The following EML6 variants were observed in gnomAD, a reference collection of about 807,000 sequenced individuals.
The protein encoded by EML6 is EMAP like 6.
Under a neutral mutation model 240.1 loss-of-function variants are expected in EML6, and 154 were observed. The observed-to-expected ratio is 0.64, with a 90% CI of 0.56 to 0.73. The LOEUF (loss-of-function observed/expected upper bound fraction) is 0.73, where lower values mean the gene tolerates loss of function less well. Ranked by LOEUF, EML6 falls within the 30% of genes least tolerant of loss-of-function variation. EML6 has a pLI of 0.00. For synonymous variants in EML6, 1,148 were observed against 899.0 expected, an observed-to-expected ratio of 1.28 and a Z score of -4.95; for missense variants, 2,964 against 2,474.6, an observed-to-expected ratio of 1.20 and a Z score of -4.20.
At chr2:54,920,658 T>A (rs4580418) in intron 26 of EML6, among the ~76,000 whole-genome samples, 105,019 of 152,040 alleles carry the variant, frequency 0.69, 37,157 homozygotes, top group East Asian at 0.87. Context: ...TTTTAAACTC[T>A]TCTTAGAAGG....
Position 54,916,827 on chromosome 2 carries a change from A to G in EML6, c.3567A>G (p.Ala1189=). The G allele has an allele frequency of 1.3e-6, 2 of 1,550,706 alleles. No individual in the cohort carries two copies. The highest frequency in any genetic ancestry group is 1.7e-6 in the Non-Finnish European group (2 of 1,146,140). ...CCACCTGTGAGGGAATCTGGCCAGC[A>G]CATAGCGATATAACTGACGTAAATG... ...LGPTCEGIWP[A]HSDITDVNAA... The change falls in exon 26 of 42, where the codon GCA becomes GCG. Residue 1189 remains alanine (A), a synonymous_variant. Coordinates refer to ENST00000356458, the MANE Select transcript of EML6 (RefSeq NM_001039753.4).
chr2:54,909,228 T>C (rs759385533), intron 24 of EML6, among the ~76,000 whole-genome samples: 1 of 152,230 alleles, frequency 6.6e-6, no homozygotes, highest in Non-Finnish European at 1.5e-5. Context: ...GCAATCACTC[T>C]TGAGTGTCCT....
intron 38 of EML6, among the ~76,000 whole-genome samples, chr2:54,965,360 A>C (rs1316258760): frequency 6.6e-6 from 1 of 152,218 alleles, no homozygotes; most frequent in African/African-American, 2.4e-5. Flanking sequence ...ACCGGGCACT[A>C]TGCTAGACTT....
rs549939729 is a variant in EML6 at position 54,948,200 on chromosome 2, T to C, written c.4005-682T>C. The stretch of plus-strand genomic sequence containing the variant: ...GCTTACACATTATAAAATCTCTTCA[T>C]TAAATTTGGAGGCCCCAGACCCCAA... On this transcript the variant is annotated intron_variant, in intron 28 of 41. Transcript: ENST00000356458. Among the ~76,000 whole-genome samples the C allele has an allele frequency of 3.3e-5, 5 of 152,268 alleles. No homozygotes were observed. In the South Asian group the frequency reaches 1.0e-3, roughly 32 times the overall value.
chr2:54,882,294 A>G (rs1671858153), intron 17 of EML6: 1 of 129,336 alleles, frequency 7.7e-6, no homozygotes, highest in South Asian at 2.3e-4. Flanking sequence ...TTTTTTCCCT[A>G]AAGATCATTC....
chr2:54,937,635 G>C (rs1288303012), intron 28 of EML6, among the ~76,000 whole-genome samples: 1 of 148,760 alleles, frequency 6.7e-6, no homozygotes, highest in East Asian at 2.0e-4. Context: ...CTCCAACTTA[G>C]TGTAGTTTAC....
chr2:54,947,621 C>A (rs1675755658), intron 28 of EML6, among the ~76,000 whole-genome samples: 1 of 152,106 alleles, frequency 6.6e-6, no homozygotes. Flanking sequence ...GTACATAACT[C>A]CCCACGACAT....
chr2:54,899,617 G>T, intron 21 of EML6, 24 bp from the exon 22 acceptor site: 2 of 1,550,502 alleles, frequency 1.3e-6, no homozygotes, highest in Non-Finnish European at 1.7e-6. Flanking sequence ...TAGAGTTTAT[G>T]TTGCCCCTTT....
chr2:54,898,991 T>C (rs890703864), intron 21 of EML6, among the ~76,000 whole-genome samples: 1 of 152,230 alleles, frequency 6.6e-6, no homozygotes, highest in African/African-American at 2.4e-5. Context: ...GGTCCAGTGC[T>C]TATTAAGCAC....
rs932656939 is a variant in EML6, at chr2:54,911,685, C to T, written c.3498+643C>T. 2.6e-5 allele frequency among the ~76,000 whole-genome samples: 4 copies of T among 152,204 alleles called. No individual in the cohort carries two copies. The South Asian group carries it at 6.2e-4, about 24-fold the overall frequency. ...CTCCTAACCTCAGGTGATCCGCCCACGTCAGCCTCCCAAAGTGCTGGGATT... is the reference window on the plus strand; with the variant it reads ...CTCCTAACCTCAGGTGATCCGCCCATGTCAGCCTCCCAAAGTGCTGGGATT... On this transcript the variant is annotated intron_variant, in intron 25 of 41. Coordinates refer to ENST00000356458, the MANE Select transcript of EML6 (RefSeq NM_001039753.4).
Position 54,959,192 on chromosome 2 carries a change from C to A in EML6, c.4784C>A (p.Thr1595Lys). 6.4e-7 allele frequency: 1 copy of A among 1,551,684 alleles called. No homozygotes were observed. The highest frequency in any genetic ancestry group is 8.7e-7 in the Non-Finnish European group (1 of 1,146,976). The part of the protein sequence containing the change: ...FLIRLVAKAH[T>K]GPVFTMYTTL... The stretch of plus-strand genomic sequence containing the variant: ...ATCCGGCTGGTGGCCAAGGCTCACA[C>A]AGGCCCCGTGTTCACAATGTACACA... The change falls in exon 34 of 42, where the codon ACA becomes AAA. Residue 1595 changes from threonine to lysine, a missense_variant. Thr to Lys is a moderately conservative substitution (Grantham distance 78). Transcript: ENST00000356458.
chr2:54,965,354 G>C (rs1041177739), intron 38 of EML6, among the ~76,000 whole-genome samples: 2 of 152,188 alleles, frequency 1.3e-5, no homozygotes, highest in African/African-American at 4.8e-5. Flanking sequence ...TGCTGAACCG[G>C]GCACTATGCT....
intron 16 of EML6, among the ~76,000 whole-genome samples, chr2:54,874,602 A>T (rs1016587826): frequency 6.6e-6 from 1 of 152,202 alleles, no homozygotes; most frequent in African/African-American, 2.4e-5. Context: ...AAGGAATCTG[A>T]TAGTTTTAGA....
At chr2:54,893,324 C>A (rs1672578538) in intron 19 of EML6, among the ~76,000 whole-genome samples, 1 of 152,096 alleles carries the variant, frequency 6.6e-6, no homozygotes, top group Non-Finnish European at 1.5e-5. Context: ...GTTCTGGAGG[C>A]TGGGAAGTCC....
intron 2 of EML6, among the ~76,000 whole-genome samples, chr2:54,797,903 A>G (rs1669908013): frequency 6.6e-6 from 1 of 152,166 alleles, no homozygotes; most frequent in Non-Finnish European, 1.5e-5. Flanking sequence ...TTTATATTAA[A>G]TCAAGATTTA....
chr2:54,907,950 TAGATAGATAGA>T (rs1673430681), intron 24 of EML6, among the ~76,000 whole-genome samples: 1 of 26,682 alleles, frequency 3.7e-5, no homozygotes, highest in African/African-American at 1.4e-4. Flanking sequence ...ATAGATAAGA[TAGATAGATAGA>T]TAGATAGATA....
rs1242422981 is a variant in EML6, at chr2:54,962,505, G to C, written c.4969-18G>C. ...TACAGTATTTGTCCTTTTTCTAATA[G>C]TGTTTCAATTACAACAGGGAAAAAT... On this transcript the variant is annotated intron_variant, in intron 35 of 41. Transcript: ENST00000356458. 8 of 1,525,428 alleles carry C rather than the reference G, an allele frequency of 5.2e-6. No homozygotes were observed. The highest frequency in any genetic ancestry group is 2.8e-5 in the African/African-American group (2 of 72,372). 94.5% of individuals were successfully genotyped at this position (1,525,428 alleles called of 1,614,324 possible).
At position 54,964,055 on chromosome 2, in the gene EML6, G is replaced by C. The variant is rs1162812812; in HGVS notation, c.5227G>C (p.Val1743Leu). 6.4e-7 allele frequency: 1 copy of C among 1,551,772 alleles called. No individual in the cohort carries two copies. The highest frequency in any genetic ancestry group is 8.7e-7 in the Non-Finnish European group (1 of 1,147,012). The change falls in exon 37 of 42, where the codon GTG becomes CTG. Residue 1743 changes from valine (V) to leucine (L), a missense_variant. Val to Leu is a conservative substitution (Grantham distance 32). Coordinates refer to ENST00000356458, the MANE Select transcript of EML6 (RefSeq NM_001039753.4). Reference protein sequence around the residue: ...CAAYSPDGEMVAIGMKNGEFV... With the variant: ...CAAYSPDGEMLAIGMKNGEFV... ...AGCCTACAGCCCTGATGGGGAGATGGTGGCCATTGGCATGAAGAATGGAGA... is the reference window on the plus strand; with the variant it reads ...AGCCTACAGCCCTGATGGGGAGATGCTGGCCATTGGCATGAAGAATGGAGA...
At chr2:54,819,468 G>A (rs141122996) in intron 4 of EML6, among the ~76,000 whole-genome samples, 24 of 152,216 alleles carry the variant, frequency 1.6e-4, no homozygotes, top group Non-Finnish European at 3.1e-4. Context: ...CAAACTGTCT[G>A]GTAGCTCTTG....
Sources: allele counts gnomAD v4.1 joint callset (sites outside exome capture counted in the v4.1 genomes callset), GRCh38; gene constraint gnomAD v4.1.1; transcripts MANE v1.5; gene names NCBI Gene and HGNC (gene_info 2026-07-23, HGNC 2026-07-21).